MYLK4: variants seen among roughly 807,000 people sequenced by gnomAD.
The protein encoded by MYLK4 is myosin light chain kinase family member 4, also known as caMLCK like.
MYLK4 carries 46 observed loss-of-function variants against 48.1 expected under a neutral mutation model. The observed-to-expected ratio is 0.96, with a 90% confidence interval of 0.75 to 1.22. MYLK4 has a LOEUF of 1.22. MYLK4 is among the 50% of genes most tolerant of loss of function. MYLK4 has a pLI of 0.00. For missense variants in MYLK4, 451 were observed against 486.1 expected, an observed-to-expected ratio of 0.93 and a Z score of 0.68; for synonymous variants, 170 against 180.8, an observed-to-expected ratio of 0.94 and a Z score of 0.48.
At chr6:2,730,752 A>G (rs1763450024) in intron 2 of MYLK4, among the ~76,000 whole-genome samples, 1 of 152,194 alleles carries the variant, frequency 6.6e-6, no homozygotes. Flanking sequence ...AAAAATACGA[A>G]GTGAAAAATT....
intron 2 of MYLK4, among the ~76,000 whole-genome samples, chr6:2,728,653 A>C (rs1763372722): frequency 6.6e-6 from 1 of 152,186 alleles, no homozygotes. Flanking sequence ...TGCAGCTGGG[A>C]GGCCCGTGGA....
intron 9 of MYLK4, 49 bp from the exon 10 acceptor site, chr6:2,678,421 C>A: frequency 6.3e-7 from 1 of 1,579,738 alleles, no homozygotes; most frequent in South Asian, 1.2e-5. Context: ...AGCCTCAACC[C>A]CTTTCCATAC....
At chr6:2,749,575 T>G (rs1159804439) in intron 1 of MYLK4, among the ~76,000 whole-genome samples, 169 bp from the exon 2 acceptor site, 22 of 152,194 alleles carry the variant, frequency 1.4e-4, no homozygotes. Context: ...CATTGGAACT[T>G]TAAAAGGAAA....
the MYLK4 span, chr6:2,766,453 G>A: frequency 2.0e-6 from 3 of 1,518,554 alleles, no homozygotes; most frequent in Non-Finnish European, 2.7e-6. Context: ...AGGTGAGTGC[G>A]GCCTTGGCCG....
chr6:2,759,887 T>C, the MYLK4 span, among the ~76,000 whole-genome samples: 1 of 152,220 alleles, frequency 6.6e-6, no homozygotes, highest in Admixed American at 6.5e-5. Context: ...CTTTATAAGA[T>C]ACAGAGAACT....
At chr6:2,680,520 G>A in intron 7 of MYLK4, 1 of 985,418 alleles carries the variant, frequency 1.0e-6, no homozygotes. Flanking sequence ...CGGCTTCACA[G>A]TTCACCATAA....
the MYLK4 span, chr6:2,765,562 G>A: frequency 2.9e-6 from 4 of 1,392,508 alleles, no homozygotes; most frequent in Non-Finnish European, 3.7e-6. Context: ...GGCATCGAAG[G>A]CCTCCGCGTG....
chr6:2,690,326 C>T lies in MYLK4; in HGVS notation c.236-1370G>A, dbSNP rs145925864. ...CCTCGTTGACGAGGCGCTCCTCTGC[C>T]ACTCCACGCTTACTGCTGCCCGGGC... On this transcript the variant is annotated intron_variant, in intron 3 of 12. Coordinates refer to ENST00000274643, the MANE Select transcript of MYLK4 (RefSeq NM_001012418.5). Among the ~76,000 whole-genome samples the T allele has an allele frequency of 2.3e-3, 344 of 152,250 alleles. 3 individuals carry two copies. The highest frequency in any genetic ancestry group is 7.8e-3 in the African/African-American group (322 of 41,540).
chr6:2,676,989 C>T (rs889695687), intron 10 of MYLK4, among the ~76,000 whole-genome samples: 43 of 152,062 alleles, frequency 2.8e-4, no homozygotes, highest in African/African-American at 9.9e-4. Flanking sequence ...ATAATAATAA[C>T]CTTGGCTGTT....
intron 12 of MYLK4, among the ~76,000 whole-genome samples, chr6:2,668,288 G>A (rs1760741065): frequency 6.6e-6 from 1 of 152,166 alleles, no homozygotes; most frequent in Non-Finnish European, 1.5e-5. Flanking sequence ...GCATCAAAGT[G>A]AGAATGTGGC....
At chr6:2,697,713 A>G (rs1762117266) in intron 2 of MYLK4, among the ~76,000 whole-genome samples, 1 of 152,190 alleles carries the variant, frequency 6.6e-6, no homozygotes, top group Admixed American at 6.5e-5. Context: ...AAAGAACATA[A>G]AGGCTGAGAT....
chr6:2,730,183 G>A (rs1342084373), intron 2 of MYLK4, among the ~76,000 whole-genome samples: 1 of 152,202 alleles, frequency 6.6e-6, no homozygotes, highest in African/African-American at 2.4e-5. Flanking sequence ...GCAAGCGTGT[G>A]CTCCCTTGGC....
chr6:2,728,701 A>G (rs912699), intron 2 of MYLK4, among the ~76,000 whole-genome samples: 125,234 of 152,200 alleles, frequency 0.82, 52,750 homozygotes, highest in East Asian at 0.94. Flanking sequence ...CTTCTGTCCT[A>G]GTTATCACAG....
chr6:2,700,511 C>G (rs1454555301), intron 2 of MYLK4, among the ~76,000 whole-genome samples: 2 of 152,198 alleles, frequency 1.3e-5, no homozygotes, highest in African/African-American at 4.8e-5. Context: ...TATAACAACA[C>G]TGGAATCCCT....
Position 2,696,351 on chromosome 6 carries a change from G to A in MYLK4, c.160-3492C>T, listed in dbSNP as rs566223909. 9.2e-5 allele frequency among the ~76,000 whole-genome samples: 14 copies of A among 152,190 alleles called. No homozygotes were observed. In the South Asian group the frequency reaches 1.0e-3, roughly 11 times the overall value. On this transcript the variant is annotated intron_variant, in intron 2 of 12. Transcript: ENST00000274643. ...GAATGTATCCCCCCCGACGATATAC[G>A]CACACAAATTCATATATTAAAATCC...
chr6:2,768,827 A>G, the MYLK4 span: 1 of 1,613,906 alleles, frequency 6.2e-7, no homozygotes, highest in African/African-American at 1.3e-5. Flanking sequence ...AGCTTTTTCA[A>G]AAGGAAAACC....
rs758857165 is a variant in MYLK4 at position 2,685,460 on chromosome 6, G to A, written c.435+23C>T. The A allele has an allele frequency of 1.1e-5, 18 of 1,590,006 alleles. No individual in the cohort carries two copies. The Admixed American group carries it at 3.0e-4, about 27-fold the overall frequency. On this transcript the variant is annotated intron_variant, in intron 5 of 12. Transcript: ENST00000274643. This position sits in a 1 kb window ranked among gnomAD's most constrained non-coding sequence, Gnocchi z 4.5. The stretch of plus-strand genomic sequence containing the variant: ...GGTCAAGATGGGGCGGGGAGGGAGG[G>A]GACCACCTCCCACAGGCTGTACCTT...
chr6:2,770,291 C>T, the MYLK4 span: 2 of 1,614,054 alleles, frequency 1.2e-6, no homozygotes, highest in African/African-American at 1.3e-5. Context: ...GATCAACTCC[C>T]TGGGAATCCA....
the MYLK4 span, among the ~76,000 whole-genome samples, chr6:2,765,182 A>ACCCCCCCCCCCCCCCCCCCCCCC: frequency 2.7e-5 from 2 of 72,920 alleles, no homozygotes; most frequent in African/African-American, 5.2e-5. Flanking sequence ...TCGCCTCGCA[A>ACCCCCCCCCCCCCCCCCCCCCCC]CCCCCCCCCC....
Sources: allele counts gnomAD v4.1 joint callset (sites outside exome capture counted in the v4.1 genomes callset), GRCh38; gene constraint gnomAD v4.1.1; non-coding constraint Gnocchi (gnomAD v3.1); transcripts MANE v1.5; gene names NCBI Gene and HGNC (gene_info 2026-07-23, HGNC 2026-07-21).